SNX18: variants seen among roughly 807,000 people sequenced by gnomAD.
The protein encoded by SNX18 is sorting nexin 18.
SNX18 carries 35 observed loss-of-function variants against 48.7 expected under a neutral mutation model. The observed-to-expected ratio is 0.72, with a 90% CI of 0.55 to 0.95. The LOEUF (loss-of-function observed/expected upper bound fraction) is 0.95. Ranked by LOEUF, SNX18 falls within the 40% of genes least tolerant of loss-of-function variation. The probability of loss-of-function intolerance (pLI) is 0.00; values close to 1 mark genes in which losing one functional copy is unlikely to be tolerated. For synonymous variants in SNX18, 492 were observed against 384.7 expected (o/e 1.28, Z -3.26); for missense variants, 824 against 871.0 (o/e 0.95, Z 0.68).
the SNX18 span, among the ~76,000 whole-genome samples, chr5:54,565,425 A>T: frequency 6.6e-6 from 1 of 152,074 alleles, no homozygotes; most frequent in Admixed American, 6.5e-5. Flanking sequence ...GAAAAAAAAA[A>T]TACTGGGTGC....
chr5:54,586,987 CTT>C, the SNX18 span, among the ~76,000 whole-genome samples: 412 of 143,890 alleles, frequency 2.9e-3, 2 homozygotes, highest in African/African-American at 4.9e-3. Flanking sequence ...AATTTATTTC[CTT>C]TTTTTTTTTT....
the SNX18 span, among the ~76,000 whole-genome samples, chr5:54,567,793 G>A: frequency 6.6e-6 from 1 of 152,270 alleles, no homozygotes; most frequent in African/African-American, 2.4e-5. Flanking sequence ...ACCTCACCTC[G>A]ACCCAGCATT....
chr5:54,576,808 T>TGCTC, the SNX18 span, among the ~76,000 whole-genome samples: 2 of 151,772 alleles, frequency 1.3e-5, no homozygotes, highest in African/African-American at 4.8e-5. Flanking sequence ...TTTGCTTGCT[T>TGCTC]GTTTGTCTTT....
At chr5:54,606,824 G>A in the SNX18 span, among the ~76,000 whole-genome samples, 12 of 152,122 alleles carry the variant, frequency 7.9e-5, no homozygotes, top group South Asian at 4.2e-4. Context: ...TTGTACTCAC[G>A]TGTGTGTATG....
the SNX18 span, among the ~76,000 whole-genome samples, chr5:54,588,373 G>A: frequency 8.1e-6 from 1 of 123,956 alleles, no homozygotes; most frequent in Admixed American, 1.0e-4. Context: ...TTTCACCCAG[G>A]CTGGAGTGCA....
At chr5:54,627,248 CAT>C in the SNX18 span, among the ~76,000 whole-genome samples, 1 of 152,158 alleles carries the variant, frequency 6.6e-6, no homozygotes, top group African/African-American at 2.4e-5. Flanking sequence ...TTTAATCTGA[CAT>C]TAAGATCTGA....
chr5:54,634,052 AG>A, the SNX18 span, among the ~76,000 whole-genome samples: 1 of 152,236 alleles, frequency 6.6e-6, no homozygotes, highest in South Asian at 2.1e-4. Flanking sequence ...CAAAATGTGC[AG>A]TACTCTGAAG....
the SNX18 span, among the ~76,000 whole-genome samples, chr5:54,568,666 C>T: frequency 6.6e-6 from 1 of 152,172 alleles, no homozygotes; most frequent in Non-Finnish European, 1.5e-5. Context: ...AGAGACTAGA[C>T]TCAGCCCTCT....
At chr5:54,644,865 C>G in the SNX18 span, 1 of 152,268 alleles carries the variant, frequency 6.6e-6, no homozygotes, top group African/African-American at 2.4e-5. Context: ...CTCTGGACTG[C>G]TAATCTCTGG....
chr5:54,551,447 C>G (rs1762654120), downstream of SNX18, among the ~76,000 whole-genome samples: 1 of 152,226 alleles, frequency 6.6e-6, no homozygotes, highest in Non-Finnish European at 1.5e-5. Flanking sequence ...TCTCTGCACT[C>G]CGATCACTTT....
chr5:54,563,208 C>T, the SNX18 span, among the ~76,000 whole-genome samples: 1 of 152,190 alleles, frequency 6.6e-6, no homozygotes, highest in African/African-American at 2.4e-5. Context: ...TTAGTGTAGT[C>T]TAAGAGTCCA....
the SNX18 span, among the ~76,000 whole-genome samples, chr5:54,623,407 T>G: frequency 6.6e-6 from 1 of 152,076 alleles, no homozygotes; most frequent in African/African-American, 2.4e-5. Flanking sequence ...GGAGGCAGTG[T>G]AGCCCAGCAT....
At chr5:54,646,016 T>C in the SNX18 span, 1 of 152,258 alleles carries the variant, frequency 6.6e-6, no homozygotes, top group Non-Finnish European at 1.5e-5. Flanking sequence ...TTTGGCCGGC[T>C]GGTTGGGAAA....
chr5:54,557,072 G>A, the SNX18 span, among the ~76,000 whole-genome samples: 1 of 152,166 alleles, frequency 6.6e-6, no homozygotes, highest in Non-Finnish European at 1.5e-5. Context: ...GATCAGCAAA[G>A]ATACAGCACA....
intron 1 of SNX18, among the ~76,000 whole-genome samples, chr5:54,533,544 T>C (rs1370000772): frequency 6.6e-6 from 1 of 152,188 alleles, no homozygotes; most frequent in Non-Finnish European, 1.5e-5. Flanking sequence ...TTGGGCCACA[T>C]ACAAGGGAAT....
chr5:54,546,339 T>A lies in SNX18; in HGVS notation c.*2907T>A, dbSNP rs1762577243. On this transcript the variant is annotated 3_prime_UTR_variant, in exon 2 of 2. Coordinates refer to ENST00000381410, the MANE Select transcript of SNX18 (RefSeq NM_001102575.2). The stretch of plus-strand genomic sequence containing the variant: ...AATGTCATTCTTAAGTTCATTGCCA[T>A]AGCCATTTTCCATTTATGTCTTCAT... The A allele has an allele frequency of 1.3e-5, 2 of 152,244 alleles. No homozygotes were observed. Among genetic ancestry groups the A allele is most frequent in the Non-Finnish European group, 2.9e-5 (2 of 68,044 alleles). 9.4% of individuals were successfully genotyped at this position (152,244 alleles called of 1,614,324 possible). A position where few individuals can be genotyped will look rare whatever the true frequency, so the allele number is the denominator to read the frequency against.
chr5:54,583,302 G>A, the SNX18 span, among the ~76,000 whole-genome samples: 2 of 152,128 alleles, frequency 1.3e-5, no homozygotes, highest in South Asian at 2.1e-4. Context: ...TTTCCTAAAA[G>A]CAAGCTTCCT....
chr5:54,559,821 G>T, the SNX18 span, among the ~76,000 whole-genome samples: 1 of 151,968 alleles, frequency 6.6e-6, no homozygotes, highest in Non-Finnish European at 1.5e-5. Context: ...ACTGACAAAG[G>T]TCTAATATCC....
chr5:54,628,516 C>T, the SNX18 span, among the ~76,000 whole-genome samples: 14 of 152,266 alleles, frequency 9.2e-5, no homozygotes, highest in African/African-American at 3.4e-4. Context: ...ATCACCCCCA[C>T]CTCTTCACCC....
Sources: allele counts gnomAD v4.1 joint callset (sites outside exome capture counted in the v4.1 genomes callset), GRCh38; gene constraint gnomAD v4.1.1; transcripts MANE v1.5; gene names NCBI Gene and HGNC (gene_info 2026-07-23, HGNC 2026-07-21).